The following RAD54B variants were observed in gnomAD, a reference collection of about 807,000 sequenced individuals.
RAD54B encodes DNA repair and recombination protein RAD54B.
In RAD54B, 78 loss-of-function variants were observed where a neutral mutation model predicts 95.8. The ratio of observed to expected loss-of-function variants is 0.81; its 90% CI spans 0.68 to 0.98. RAD54B has a LOEUF of 0.98. Ranked by LOEUF, RAD54B falls within the 50% of genes least tolerant of loss-of-function variation. RAD54B has a pLI of 0.00. For missense variants in RAD54B, 957 were observed against 1,056.6 expected (o/e 0.91, Z 1.31); for synonymous variants, 328 against 354.9 (o/e 0.92, Z 0.85).
intron 3 of RAD54B, among the ~76,000 whole-genome samples, chr8:94,451,142 T>G: frequency 6.6e-6 from 1 of 152,034 alleles, no homozygotes; most frequent in Non-Finnish European, 1.5e-5. Flanking sequence ...TAAATACACT[T>G]CTCCACCAAA....
In RAD54B at chr8:94,400,262, C is replaced by A; in HGVS notation, c.1146G>T (p.Arg382Ser). The change falls in exon 7 of 15, where the codon AGG becomes AGT. Residue 382 changes from arginine (R) to serine (S), a missense_variant. Physicochemically the swap from Arg to Ser is moderately radical, Grantham distance 110 (BLOSUM62 -1). Coordinates refer to ENST00000336148, the MANE Select transcript of RAD54B (RefSeq NM_012415.3). Reference sequence around the variant, plus strand: ...CCTGATCAACAGTAAATATCTTGATCCTTTCACTTCCTAGCCATTTTTGAA... The same window carrying A: ...CCTGATCAACAGTAAATATCTTGATACTTTCACTTCCTAGCCATTTTTGAA... ...KEFQKWLGSE[R>S]IKIFTVDQDH... 6 of 1,613,404 alleles carry A rather than the reference C, an allele frequency of 3.7e-6. No homozygotes were observed. Among genetic ancestry groups the A allele is most frequent in the Non-Finnish European group, 5.1e-6 (6 of 1,179,518 alleles).
chr8:94,425,120 T>C (rs1017289911), intron 3 of RAD54B, among the ~76,000 whole-genome samples: 9 of 151,650 alleles, frequency 5.9e-5, no homozygotes, highest in African/African-American at 2.2e-4. Flanking sequence ...AATAATGTCA[T>C]TTAATATTAA....
intron 3 of RAD54B, chr8:94,428,980 A>G: frequency 1.0e-6 from 1 of 982,614 alleles, no homozygotes; most frequent in Non-Finnish European, 1.2e-6. Context: ...CTCATAAACT[A>G]TACTATGTTA....
intron 3 of RAD54B, among the ~76,000 whole-genome samples, chr8:94,416,287 G>A (rs1018855888): frequency 3.8e-4 from 58 of 151,760 alleles, no homozygotes; most frequent in Non-Finnish European, 6.5e-4. Flanking sequence ...AACACCGCAT[G>A]TTCTCACTCA....
At chr8:94,402,443 G>C (rs558813830) in intron 6 of RAD54B, among the ~76,000 whole-genome samples, 1 of 151,834 alleles carries the variant, frequency 6.6e-6, no homozygotes, top group Admixed American at 6.6e-5. Context: ...TAGTAGAGAC[G>C]GGATTTCACC....
chr8:94,442,295 T>C (rs540765081), intron 3 of RAD54B, among the ~76,000 whole-genome samples: 40 of 152,150 alleles, frequency 2.6e-4, no homozygotes, highest in African/African-American at 7.5e-4. Flanking sequence ...AGTTAAAAGC[T>C]GGGCACGGTG....
At chr8:94,436,520 C>G in intron 3 of RAD54B, 1 of 1,549,374 alleles carries the variant, frequency 6.5e-7, no homozygotes, top group Admixed American at 2.0e-5. Context: ...CTGTCTCTTA[C>G]CAGGCAAAAA....
At chr8:94,396,651 ATCTTT>A (rs1811154956) in intron 8 of RAD54B, among the ~76,000 whole-genome samples, 2 of 152,162 alleles carry the variant, frequency 1.3e-5, no homozygotes, top group Admixed American at 1.3e-4. Flanking sequence ...TCTCAGATTT[ATCTTT>A]TCTATGATAT....
At chr8:94,376,213 A>G (rs896726272) in intron 14 of RAD54B, among the ~76,000 whole-genome samples, 6 of 152,304 alleles carry the variant, frequency 3.9e-5, no homozygotes, top group African/African-American at 1.4e-4. Flanking sequence ...AATCCATATC[A>G]TGTAGTTCTA....
At chr8:94,406,276 C>T (rs535577612) in intron 5 of RAD54B, among the ~76,000 whole-genome samples, 6 of 152,132 alleles carry the variant, frequency 3.9e-5, no homozygotes, top group Admixed American at 2.6e-4. Context: ...GTGGCAAAAC[C>T]ATGATTCTTA....
intron 14 of RAD54B, 76 bp downstream of exon 14, chr8:94,378,104 T>C: frequency 8.9e-7 from 1 of 1,129,790 alleles, no homozygotes; most frequent in Non-Finnish European, 1.2e-6. Flanking sequence ...ATAAAGTTAT[T>C]CTTTAAATAT....
chr8:94,404,511 C>T (rs1811338536), intron 5 of RAD54B, among the ~76,000 whole-genome samples: 2 of 152,156 alleles, frequency 1.3e-5, no homozygotes, highest in African/African-American at 4.8e-5. Flanking sequence ...TCACTATTGT[C>T]TAGTAAGGAA....
Position 94,372,169 on chromosome 8 carries a change from AC to A in RAD54B, c.2733del (p.Ter911TyrfsTer16), listed in dbSNP as rs142650111. 2.1e-4 allele frequency: 334 copies of A among 1,592,532 alleles called. 1 individual carries two copies. In the African/African-American group the frequency reaches 3.8e-3, roughly 18 times the overall value. Reference sequence around the variant, plus strand: ...AATGGAATGTCAGAAGTAATCTTTCACTATGTGCCAGTAGCTTGAGTGGTTA... The same window carrying A: ...AATGGAATGTCAGAAGTAATCTTTCATATGTGCCAGTAGCTTGAGTGGTTA... The part of the protein sequence containing the change: ...QNITTQATGT[*>X] On this transcript the variant is annotated frameshift_variant and stop_lost, in exon 15 of 15. Coordinates refer to ENST00000336148, the MANE Select transcript of RAD54B (RefSeq NM_012415.3). LOFTEE classifies it high-confidence loss of function.
At position 94,467,550 on chromosome 8, in the gene RAD54B, C is replaced by T. The variant is rs753535238; in HGVS notation, c.-11G>A. The stretch of plus-strand genomic sequence containing the variant: ...TGCAGATCGTCTCATATTCAGCAGT[C>T]GTGACCTGAAAAATACCCAAAACAG... On this transcript the variant is annotated 5_prime_UTR_variant, in exon 2 of 15. Transcript: ENST00000336148. 3.7e-6 allele frequency: 6 copies of T among 1,604,132 alleles called. No homozygotes were observed. The highest frequency in any genetic ancestry group is 5.1e-6 in the Non-Finnish European group (6 of 1,177,700).
chr8:94,431,283 C>G, intron 3 of RAD54B: 4 of 972,734 alleles, frequency 4.1e-6, no homozygotes, highest in Non-Finnish European at 4.9e-6. Flanking sequence ...TGAATTAAGA[C>G]ATGTCTTTAA....
chr8:94,404,302 G>A lies in RAD54B; in HGVS notation c.782-63C>T. The A allele has an allele frequency of 5.1e-6, 7 of 1,384,866 alleles. No individual in the cohort carries two copies. In the South Asian group the frequency reaches 6.2e-5, roughly 12 times the overall value. 85.8% of individuals were successfully genotyped at this position (1,384,866 alleles called of 1,614,324 possible). On this transcript the variant is annotated intron_variant, in intron 5 of 14. Coordinates refer to ENST00000336148, the MANE Select transcript of RAD54B (RefSeq NM_012415.3). Reference sequence around the variant, plus strand: ...CTTTTTCAGCAACCAACATTATCTTGTTTTCATTACCCTAAGATAGAAATG... The same window carrying A: ...CTTTTTCAGCAACCAACATTATCTTATTTTCATTACCCTAAGATAGAAATG...
chr8:94,418,919 T>C (rs1235741829), intron 3 of RAD54B, among the ~76,000 whole-genome samples: 3 of 152,210 alleles, frequency 2.0e-5, no homozygotes, highest in African/African-American at 4.8e-5. Context: ...TCAATTTAAT[T>C]GGCAGAAATG....
intron 3 of RAD54B, among the ~76,000 whole-genome samples, chr8:94,426,583 TGAAAAAAACA>T (rs1313988133): frequency 5.3e-5 from 8 of 152,128 alleles, no homozygotes; most frequent in African/African-American, 1.9e-4. Flanking sequence ...AACACTAAGG[TGAAAAAAACA>T]GAAACAAAGT....
In RAD54B at chr8:94,399,712, G is replaced by C. The variant is rs937816811; in HGVS notation, c.1171-91C>G. 7 of 1,424,992 alleles carry C rather than the reference G, an allele frequency of 4.9e-6. No individual in the cohort carries two copies. The Admixed American group carries it at 1.6e-4, about 32-fold the overall frequency. The allele number at this position is 1,424,992 out of a possible 1,614,324, so 88.3% of individuals were successfully genotyped here. A position where few individuals can be genotyped will look rare whatever the true frequency, so the allele number is the denominator to read the frequency against. ...CCTATTCCTGACAGTCACTTACTAA[G>C]AACTGGAATGTGTTAACTCTTTCTG... is the stretch of plus-strand genomic sequence containing the variant. On this transcript the variant is annotated intron_variant, in intron 7 of 14. Transcript: ENST00000336148.
Sources: gnomAD v4.1 joint callset for allele counts (sites outside exome capture counted in the v4.1 genomes callset) on GRCh38, gnomAD v4.1.1 for gene constraint, MANE v1.5 for transcripts, NCBI Gene and HGNC (gene_info 2026-07-23, HGNC 2026-07-21) for gene names.